Variants in ROBO2 observed in about 807,000 individuals in gnomAD.
ROBO2 encodes roundabout guidance receptor 2, also known as roundabout homolog 2.
ROBO2 carries 53 observed loss-of-function variants against 160.8 expected under a neutral mutation model. That is an observed-to-expected ratio of 0.33 (90% CI 0.26 to 0.41). The LOEUF (loss-of-function observed/expected upper bound fraction) is 0.41. ROBO2 is among the 10% of genes least tolerant of loss of function. The pLI, the probability that ROBO2 is intolerant of heterozygous loss-of-function variation, is 1.00. For synonymous variants in ROBO2, 664 were observed against 611.7 expected, an observed-to-expected ratio of 1.09 and a Z score of -1.26; for missense variants, 1,577 against 1,722.4, an observed-to-expected ratio of 0.92 and a Z score of 1.49.
chr3:76,260,286 T>A (rs936491011), intron 2 of ROBO2, among the ~76,000 whole-genome samples: 1 of 151,908 alleles, frequency 6.6e-6, no homozygotes, highest in East Asian at 1.9e-4. Context: ...TTTATATAAA[T>A]CCCATAGGGC....
chr3:76,857,716 C>T (rs1315558417), intron 2 of ROBO2, among the ~76,000 whole-genome samples: 1 of 152,138 alleles, frequency 6.6e-6, no homozygotes. Context: ...ACTTTGCTGC[C>T]AGGCATCTTT....
intron 1 of ROBO2, among the ~76,000 whole-genome samples, chr3:77,083,749 A>G (rs1159277901): frequency 1.1e-4 from 17 of 152,106 alleles, no homozygotes; most frequent in Non-Finnish European, 1.5e-4. Flanking sequence ...TCTGAGCATT[A>G]GGGACCTGGA....
intron 2 of ROBO2, among the ~76,000 whole-genome samples, chr3:77,378,086 A>G (rs1424965762): frequency 6.6e-6 from 1 of 152,218 alleles, no homozygotes; most frequent in Non-Finnish European, 1.5e-5. Context: ...TTTGCAACAG[A>G]CTTTAGAAAG....
chr3:76,036,059 CAATT>C (rs2067094808), intron 2 of ROBO2, among the ~76,000 whole-genome samples: 1 of 151,868 alleles, frequency 6.6e-6, no homozygotes, highest in Non-Finnish European at 1.5e-5. Context: ...GAAAAAAAAT[CAATT>C]AATAACCATT....
chr3:77,106,882 C>G (rs2150142762), intron 2 of ROBO2, among the ~76,000 whole-genome samples: 1 of 152,310 alleles, frequency 6.6e-6, no homozygotes, highest in East Asian at 1.9e-4. Flanking sequence ...GAAAGCATTA[C>G]TGAGCCCCAG....
intron 2 of ROBO2, among the ~76,000 whole-genome samples, chr3:76,514,953 G>A (rs187693167): frequency 4.6e-5 from 7 of 152,218 alleles, no homozygotes; most frequent in Admixed American, 4.6e-4. Flanking sequence ...AGTTAGAGGT[G>A]GTGTTTGCAT....
At chr3:76,860,590 T>C (rs2070661733) in intron 2 of ROBO2, among the ~76,000 whole-genome samples, 1 of 152,198 alleles carries the variant, frequency 6.6e-6, no homozygotes, top group African/African-American at 2.4e-5. Context: ...TAAGGACATT[T>C]ACCATCCTCT....
At position 76,033,493 on chromosome 3, in the gene ROBO2, G is replaced by T. The variant is rs571302098; in HGVS notation, c.109+95891G>T. On this transcript the variant is annotated intron_variant, in intron 2 of 26. Transcript: ENST00000487694. The stretch of plus-strand genomic sequence containing the variant: ...CCCACATGCTGTGCCATTTTTGTAC[G>T]AATTGAGCCAGATATTTTCTACATG... 2.6e-5 allele frequency among the ~76,000 whole-genome samples: 4 copies of T among 152,250 alleles called. No homozygotes were observed. The South Asian group carries it at 8.3e-4, about 32-fold the overall frequency.
At chr3:76,016,832 T>A (rs1308436983) in intron 2 of ROBO2, among the ~76,000 whole-genome samples, 1 of 152,086 alleles carries the variant, frequency 6.6e-6, no homozygotes, top group Non-Finnish European at 1.5e-5. Context: ...TCTCAGGACA[T>A]GATTTTTCTA....
intron 2 of ROBO2, among the ~76,000 whole-genome samples, chr3:76,932,588 CTG>C (rs1441162937): frequency 2.6e-5 from 4 of 152,064 alleles, no homozygotes; most frequent in African/African-American, 7.2e-5. Flanking sequence ...TTATTCTGGA[CTG>C]TGGCACAAAA....
chr3:77,620,058 T>G (rs2094868576), intron 22 of ROBO2, among the ~76,000 whole-genome samples: 1 of 152,278 alleles, frequency 6.6e-6, no homozygotes, highest in Admixed American at 6.5e-5. Context: ...ATGAACAAAT[T>G]AGTTCATCTC....
intron 2 of ROBO2, among the ~76,000 whole-genome samples, chr3:77,227,046 A>C (rs543978724): frequency 3.3e-5 from 5 of 152,178 alleles, no homozygotes; most frequent in Non-Finnish European, 7.4e-5. Flanking sequence ...AATACAACAA[A>C]AATGTTGCAT....
intron 2 of ROBO2, among the ~76,000 whole-genome samples, chr3:76,388,611 T>C (rs2077004882): frequency 6.6e-6 from 1 of 152,212 alleles, no homozygotes; most frequent in Admixed American, 6.5e-5. Context: ...ATTTCATTCA[T>C]TGCTGTACAA....
intron 2 of ROBO2, among the ~76,000 whole-genome samples, chr3:76,858,677 G>T (rs781409123): frequency 2.2e-4 from 33 of 152,312 alleles, no homozygotes; most frequent in Non-Finnish European, 3.4e-4. Context: ...AGAGAAGTTT[G>T]ATTTTTCACC....
chr3:76,244,470 A>G (rs559671742), intron 2 of ROBO2, among the ~76,000 whole-genome samples: 2 of 152,314 alleles, frequency 1.3e-5, no homozygotes, highest in South Asian at 2.1e-4. Context: ...ATTTATGTGG[A>G]TGGCAATGGA....
At chr3:76,946,068 A>T (rs973394983) in intron 2 of ROBO2, among the ~76,000 whole-genome samples, 4 of 152,146 alleles carry the variant, frequency 2.6e-5, no homozygotes, top group Non-Finnish European at 5.9e-5. Flanking sequence ...GTGTTCTGAG[A>T]TACGGTTCCT....
intron 2 of ROBO2, among the ~76,000 whole-genome samples, chr3:77,200,970 G>T (rs532659185): frequency 6.6e-6 from 1 of 152,096 alleles, no homozygotes; most frequent in South Asian, 2.1e-4. Flanking sequence ...TATATAATTC[G>T]AATGCAATTA....
chr3:76,024,318 T>G (rs1018395239), intron 2 of ROBO2, among the ~76,000 whole-genome samples: 1 of 151,510 alleles, frequency 6.6e-6, no homozygotes, highest in African/African-American at 2.4e-5. Context: ...GCAAAAACTT[T>G]AATTTAGGTT....
intron 2 of ROBO2, among the ~76,000 whole-genome samples, chr3:77,120,271 A>T (rs904139695): frequency 6.6e-6 from 1 of 152,220 alleles, no homozygotes; most frequent in Non-Finnish European, 1.5e-5. Context: ...CAAAGAACTA[A>T]GTCAATGATG....
Sources: allele counts gnomAD v4.1 joint callset (sites outside exome capture counted in the v4.1 genomes callset), GRCh38; gene constraint gnomAD v4.1.1; transcripts MANE v1.5; gene names NCBI Gene and HGNC (gene_info 2026-07-23, HGNC 2026-07-21).